The following C6orf132 variants were observed in gnomAD, a reference collection of about 807,000 sequenced individuals.
C6orf132 encodes uncharacterized protein C6orf132.
Under a neutral mutation model 65.3 loss-of-function variants are expected in C6orf132, and 43 were observed. The observed-to-expected ratio is 0.66, with a 90% CI of 0.52 to 0.85. The LOEUF (loss-of-function observed/expected upper bound fraction) is 0.85, where lower values mean the gene tolerates loss of function less well. C6orf132 is among the 40% of genes least tolerant of loss of function. The probability of loss-of-function intolerance (pLI) is 0.00; values close to 1 mark genes in which losing one functional copy is unlikely to be tolerated. For missense variants in C6orf132, 1,488 were observed against 1,548.8 expected, an observed-to-expected ratio of 0.96 and a Z score of 0.66; for synonymous variants, 631 against 654.1, an observed-to-expected ratio of 0.96 and a Z score of 0.54.
intron 3 of C6orf132, among the ~76,000 whole-genome samples, chr6:42,108,171 G>C (rs1766442990): frequency 6.6e-6 from 1 of 152,184 alleles, no homozygotes; most frequent in Non-Finnish European, 1.5e-5. Flanking sequence ...CCTTGGCCAA[G>C]CCAGAAAGTC....
In C6orf132 at chr6:42,104,472, G is replaced by A. The variant is rs971582336; in HGVS notation, c.3440C>T (p.Ala1147Val). 1.6e-6 allele frequency: 2 copies of A among 1,231,216 alleles called. No homozygotes were observed. The highest frequency in any genetic ancestry group is 6.3e-5 in the East Asian group (2 of 31,624). 76.3% of individuals were successfully genotyped at this position (1,231,216 alleles called of 1,614,324 possible). The stretch of plus-strand genomic sequence containing the variant: ...CGGGCCCGCAGCTCACCTGCCGGCA[G>A]CTGGGGCGAAGCCGTAGTCGGCGCT... ...PGSADYGFAP[A>V]AGRSPYTTTR... The change falls in exon 4 of 5, where the codon GCT becomes GTT. Residue 1147 changes from alanine to valine, a missense_variant. Transcript: ENST00000341865. This position sits in a 1 kb window ranked among gnomAD's most constrained non-coding sequence, Gnocchi z 4.1.
At chr6:42,108,224 C>T (rs1416631648) in intron 3 of C6orf132, among the ~76,000 whole-genome samples, 1 of 152,198 alleles carries the variant, frequency 6.6e-6, no homozygotes, top group Non-Finnish European at 1.5e-5. Context: ...GATGAGTGAC[C>T]TTGAACACAC....
rs930672918 is a variant in C6orf132, at chr6:42,104,312, C to G, written c.3449+151G>C. 20 of 1,199,104 alleles carry G rather than the reference C, an allele frequency of 1.7e-5. No homozygotes were observed. The highest frequency in any genetic ancestry group is 3.2e-4 in the Middle Eastern group (1 of 3,166). The allele number at this position is 1,199,104 out of a possible 1,614,324, so 74.3% of individuals were successfully genotyped here. A position where few individuals can be genotyped will look rare whatever the true frequency, so the allele number is the denominator to read the frequency against. On this transcript the variant is annotated intron_variant, in intron 4 of 4. Transcript: ENST00000341865. The surrounding 1 kb of genome is among the most constrained non-coding windows in gnomAD (Gnocchi z 4.1). ...CAGGAAGGCGCCAACAGCGCCCTCT[C>G]CCGGTAAGTGGGCCTCCCTCCCGCG...
intron 3 of C6orf132, among the ~76,000 whole-genome samples, chr6:42,108,488 C>T (rs1436300478): frequency 2.6e-5 from 4 of 152,070 alleles, no homozygotes; most frequent in Non-Finnish European, 4.4e-5. Flanking sequence ...GGGGCAGGGG[C>T]GAGAGACCTC....
intron 2 of C6orf132, among the ~76,000 whole-genome samples, chr6:42,123,568 AGAAG>A (rs1766722687): frequency 6.6e-6 from 1 of 150,428 alleles, no homozygotes; most frequent in Non-Finnish European, 1.5e-5. Context: ...GAGAAGAAGA[AGAAG>A]AAGAAAGAAG....
rs1209883792 is a variant in C6orf132 at position 42,107,570 on chromosome 6, T to C, written c.342A>G (p.Leu114=). The C allele has an allele frequency of 1.3e-6, 2 of 1,550,562 alleles. No individual in the cohort carries two copies. Among genetic ancestry groups the C allele is most frequent in the Non-Finnish European group, 8.7e-7 (1 of 1,146,646 alleles). Reference sequence around the variant, plus strand: ...TGTACAGTCGGAGGTTGCCATTGACTAGTGAGCTGGTACCTGAAAGAAGGA... The same window carrying C: ...TGTACAGTCGGAGGTTGCCATTGACCAGTGAGCTGGTACCTGAAAGAAGGA... ...ADKEVTGTSS[L]VNGNLRLYSS... is the part of the protein sequence containing the mutation. The change falls in exon 4 of 5, where the codon CTA becomes CTG. Residue 114 remains leucine, a synonymous_variant. Coordinates refer to ENST00000341865, the MANE Select transcript of C6orf132 (RefSeq NM_001164446.3).
intron 2 of C6orf132, among the ~76,000 whole-genome samples, chr6:42,116,244 A>G (rs1766569713): frequency 1.3e-5 from 2 of 152,114 alleles, no homozygotes; most frequent in African/African-American, 2.4e-5. Context: ...AGCACTTTCT[A>G]TCACTTAACT....
At chr6:42,115,289 CAAAAA>C (rs58397911) in intron 2 of C6orf132, among the ~76,000 whole-genome samples, 2 of 73,654 alleles carry the variant, frequency 2.7e-5, no homozygotes, top group African/African-American at 4.1e-5. Context: ...GACTCCATCT[CAAAAA>C]AAAAAAAAAA....
At chr6:42,115,712 T>C (rs1196357485) in intron 2 of C6orf132, among the ~76,000 whole-genome samples, 2 of 152,098 alleles carry the variant, frequency 1.3e-5, no homozygotes, top group Admixed American at 6.6e-5. Flanking sequence ...GTATATCTTA[T>C]AATAAAAAAG....
At chr6:42,127,913 G>C (rs1229835024) in intron 2 of C6orf132, among the ~76,000 whole-genome samples, 2 of 150,792 alleles carry the variant, frequency 1.3e-5, no homozygotes, top group African/African-American at 4.9e-5. Flanking sequence ...TTGATTAAAT[G>C]TTGCAATGAC....
intron 1 of C6orf132, among the ~76,000 whole-genome samples, chr6:42,131,670 G>A (rs1766855340): frequency 6.6e-6 from 1 of 152,244 alleles, no homozygotes; most frequent in South Asian, 2.1e-4. Flanking sequence ...CTGCTGGTCA[G>A]GATGGAGTCG....
In C6orf132 at chr6:42,110,264, C is replaced by G; in HGVS notation, c.280G>C (p.Val94Leu). ...LNAQENHGLA[V>L]PTPSVPDDFA... The stretch of plus-strand genomic sequence containing the variant: ...TCATCTGGAACCGAGGGGGTGGGCA[C>G]AGCCAGCCCATGGTTTTCCTGGGCA... The change falls in exon 3 of 5, where the codon GTG becomes CTG. Residue 94 changes from valine to leucine, a missense_variant. Transcript: ENST00000341865. 6.5e-7 allele frequency: 1 copy of G among 1,548,198 alleles called. No individual in the cohort carries two copies. Among genetic ancestry groups the G allele is most frequent in the Non-Finnish European group, 8.7e-7 (1 of 1,145,696 alleles).
In C6orf132 at chr6:42,106,130, C is replaced by T. The variant is rs1766400148; in HGVS notation, c.1782G>A (p.Arg594=). The T allele has an allele frequency of 2.0e-6, 3 of 1,537,248 alleles. No individual in the cohort carries two copies. In the East Asian group the frequency reaches 7.3e-5, roughly 38 times the overall value. The part of the protein sequence containing the change: ...PSIGSLPPKP[R]LEGGRICENG... ...TTTCACAAATTCTTCCCCCTTCTAG[C>T]CGAGGCTTAGGGGGCAGAGATCCTA... The change falls in exon 4 of 5, where the codon CGG becomes CGA. Residue 594 remains arginine (R), a synonymous_variant. Coordinates refer to ENST00000341865, the MANE Select transcript of C6orf132 (RefSeq NM_001164446.3).
rs556944432 is a variant in C6orf132 at position 42,136,092 on chromosome 6, C to T, written c.145+6208G>A. Among the ~76,000 whole-genome samples, 354 of 150,270 alleles carry T rather than the reference C, an allele frequency of 2.4e-3. 2 individuals are homozygous for T. The highest frequency in any genetic ancestry group is 3.2e-3 in the Non-Finnish European group (219 of 67,748). ...CTAACCTGCACATTGTGCACATGTA[C>T]CCTAAAACTTAAAGTATAATAATAA... On this transcript the variant is annotated intron_variant, in intron 1 of 4. Coordinates refer to ENST00000341865, the MANE Select transcript of C6orf132 (RefSeq NM_001164446.3).
Position 42,105,339 on chromosome 6 carries a change from GC to G in C6orf132, c.2572del (p.Ala858ProfsTer51). 3 of 1,536,836 alleles carry G rather than the reference GC, an allele frequency of 2.0e-6. No individual in the cohort carries two copies. Among genetic ancestry groups the G allele is most frequent in the Non-Finnish European group, 2.6e-6 (3 of 1,146,884 alleles). Reference sequence around the variant, plus strand: ...TCCTGGCAGAGAGGACCGACCCAGGGCAGCCCCTACAGACCTTCCCTTCTGA... The same window carrying G: ...TCCTGGCAGAGAGGACCGACCCAGGGAGCCCCTACAGACCTTCCCTTCTGA... ...RAQKGRSVGA[A>X]LGRSSLPGSL... On this transcript the variant is annotated frameshift_variant, in exon 4 of 5. Transcript: ENST00000341865. LOFTEE classifies it high-confidence loss of function.
Position 42,106,778 on chromosome 6 carries a change from C to A in C6orf132, c.1134G>T (p.Gln378His). The A allele has an allele frequency of 6.5e-7, 1 of 1,534,188 alleles. No homozygotes were observed. Among genetic ancestry groups the A allele is most frequent in the Non-Finnish European group, 8.7e-7 (1 of 1,146,696 alleles). Residue 378 changes from glutamine to histidine, a missense_variant, in exon 4 of 5, where the codon CAG becomes CAT. Coordinates refer to ENST00000341865, the MANE Select transcript of C6orf132 (RefSeq NM_001164446.3). ...CTCGTTCATCTGCTTGGGACTGGGA[C>A]TGGCCAAGCCTTGGGCTGGCTGGTG... The part of the protein sequence containing the change: ...ATAPASPRLG[Q>H]SQSQADERAG...
intron 1 of C6orf132, among the ~76,000 whole-genome samples, chr6:42,135,176 G>A (rs971494453): frequency 4.6e-5 from 7 of 152,194 alleles, no homozygotes; most frequent in African/African-American, 1.7e-4. Flanking sequence ...GGAGGCAGGC[G>A]GCCCTTTGGG....
At chr6:42,113,633 G>A (rs1461908119) in intron 2 of C6orf132, among the ~76,000 whole-genome samples, 1 of 152,090 alleles carries the variant, frequency 6.6e-6, no homozygotes, top group African/African-American at 2.4e-5. Context: ...TGGCCAACAT[G>A]GCAAAACCCC....
rs146733291 is a variant in C6orf132 at position 42,129,084 on chromosome 6, G to T, written c.146-306C>A. On this transcript the variant is annotated intron_variant, in intron 1 of 4. Transcript: ENST00000341865. ...CCTGAGCCTTCTCTCCCACAGCAAT[G>T]GTCCCTCGTTTTTGGAGCCCAGGAA... 2.2e-4 allele frequency among the ~76,000 whole-genome samples: 33 copies of T among 152,302 alleles called. 1 individual carries two copies. In the Middle Eastern group the frequency reaches 0.014, roughly 63 times the overall value.
Sources: allele counts gnomAD v4.1 joint callset (sites outside exome capture counted in the v4.1 genomes callset), GRCh38; gene constraint gnomAD v4.1.1; non-coding constraint Gnocchi (gnomAD v3.1); transcripts MANE v1.5; gene names NCBI Gene and HGNC (gene_info 2026-07-23, HGNC 2026-07-21).